PDE4A: variants seen among roughly 807,000 people sequenced by gnomAD.
PDE4A encodes 3',5'-cyclic-AMP phosphodiesterase 4A.
A neutral mutation model predicts 73.9 loss-of-function variants in PDE4A; 21 were observed. The observed-to-expected ratio is 0.28, with a 90% CI of 0.20 to 0.41. The LOEUF is 0.41. Among genes scored for constraint, PDE4A ranks in the 10% least tolerant of loss-of-function variants. PDE4A has a pLI of 1.00. For missense variants in PDE4A, 958 were observed against 1,211.4 expected (o/e 0.79, Z 3.10); for synonymous variants, 463 against 505.4 (o/e 0.92, Z 1.13).
In PDE4A at chr19:10,420,659, G is replaced by A. The variant is rs957420765; in HGVS notation, c.-106G>A. 2 of 1,364,412 alleles carry A rather than the reference G, an allele frequency of 1.5e-6. No homozygotes were observed. Among genetic ancestry groups the A allele is most frequent in the East Asian group, 3.1e-5 (1 of 32,374 alleles). The allele number at this position is 1,364,412 out of a possible 1,614,324, so 84.5% of individuals were successfully genotyped here. A position where few individuals can be genotyped will look rare whatever the true frequency, so the allele number is the denominator to read the frequency against. ...CCCGGGGCGCCATGGCCCTACCGCGGCCGGGCGCACCCGCGGGGCCCTGGG... is the reference window on the plus strand; with the variant it reads ...CCCGGGGCGCCATGGCCCTACCGCGACCGGGCGCACCCGCGGGGCCCTGGG... On this transcript the variant is annotated 5_prime_UTR_variant, in exon 1 of 15. Coordinates refer to ENST00000380702, the MANE Select transcript of PDE4A (RefSeq NM_001111307.2). This position sits in a 1 kb window ranked among gnomAD's most constrained non-coding sequence, Gnocchi z 6.0.
upstream of PDE4A, chr19:10,417,626 G>C (rs1468103104): frequency 6.4e-7 from 1 of 1,556,284 alleles, no homozygotes; most frequent in Admixed American, 1.8e-5. Flanking sequence ...TTCCCAGCCA[G>C]GCCACGCCCC....
chr19:10,461,121 G>C lies in PDE4A; in HGVS notation c.1465+18G>C. On this transcript the variant is annotated intron_variant, in intron 11 of 14. Transcript: ENST00000380702. ...CAACACCAGTGAGTGGCCCTCGCCA[G>C]GGGCGGGGTTTGCTGAGTTGGAGGC... 2 of 1,603,704 alleles carry C rather than the reference G, an allele frequency of 1.2e-6. No homozygotes were observed. Among genetic ancestry groups the C allele is most frequent in the Non-Finnish European group, 1.7e-6 (2 of 1,171,860 alleles).
chr19:10,452,521 T>C (rs560985939), intron 6 of PDE4A, among the ~76,000 whole-genome samples: 36 of 152,044 alleles, frequency 2.4e-4, no homozygotes, highest in Admixed American at 5.9e-4. Context: ...TGTGGGTCTG[T>C]GCCCTTGGAT....
intron 8 of PDE4A, chr19:10,459,058 C>T (rs1271363381): frequency 3.3e-6 from 1 of 307,522 alleles, no homozygotes; most frequent in South Asian, 3.9e-5. Flanking sequence ...TGGGGCCAGT[C>T]GTGCTGGGTT....
intron 11 of PDE4A, 117 bp downstream of exon 11, chr19:10,461,220 G>T: frequency 7.4e-7 from 1 of 1,351,254 alleles, no homozygotes. Flanking sequence ...GGGGCTGGCT[G>T]GCCTGGAAAG....
At position 10,467,748 on chromosome 19, in the gene PDE4A, T is replaced by C; in HGVS notation, c.*127T>C. ...TCCTGAGAAAAAAGAAAACGAAAAG[T>C]GGGGTTTTTTTCTGTTTTCTTTTTT... On this transcript the variant is annotated 3_prime_UTR_variant, in exon 15 of 15. Coordinates refer to ENST00000380702, the MANE Select transcript of PDE4A (RefSeq NM_001111307.2). 1.4e-6 allele frequency: 1 copy of C among 693,200 alleles called. No individual in the cohort carries two copies. The highest frequency in any genetic ancestry group is 2.2e-6 in the Non-Finnish European group (1 of 459,794). 42.9% of individuals were successfully genotyped at this position (693,200 alleles called of 1,614,324 possible). A position where few individuals can be genotyped will look rare whatever the true frequency, so the allele number is the denominator to read the frequency against.
intron 6 of PDE4A, among the ~76,000 whole-genome samples, chr19:10,452,726 T>G (rs1246978263): frequency 1.3e-5 from 2 of 152,008 alleles, no homozygotes; most frequent in African/African-American, 4.8e-5. Context: ...AAGGTGTGTC[T>G]CAGGGTGTTT....
Position 10,420,682 on chromosome 19 carries a change from GGGCTCGCT to G in PDE4A, c.-78_-71del. 1 of 1,383,130 alleles carries G rather than the reference GGGCTCGCT, an allele frequency of 7.2e-7. No homozygotes were observed. Among genetic ancestry groups the G allele is most frequent in the Non-Finnish European group, 9.3e-7 (1 of 1,078,382 alleles). 85.7% of individuals were successfully genotyped at this position (1,383,130 alleles called of 1,614,324 possible). ...CGGCCGGGCGCACCCGCGGGGCCCT[GGGCTCGCT>G]GGCTTGCGCGCAGCTGAGCGGGGTG... On this transcript the variant is annotated 5_prime_UTR_variant, in exon 1 of 15. It removes the in-frame stop codon of an upstream open reading frame in the 5' UTR. Coordinates refer to ENST00000380702, the MANE Select transcript of PDE4A (RefSeq NM_001111307.2). This position sits in a 1 kb window ranked among gnomAD's most constrained non-coding sequence, Gnocchi z 6.0.
At chr19:10,428,062 G>T (rs2042740375) in intron 1 of PDE4A, among the ~76,000 whole-genome samples, 1 of 151,352 alleles carries the variant, frequency 6.6e-6, no homozygotes, top group Non-Finnish European at 1.5e-5. Flanking sequence ...GATTAAATGA[G>T]ATCATAAGAC....
chr19:10,421,194 T>TGGCGGGGGCGGAGGGAATTCGGC lies in PDE4A; in HGVS notation c.320+111_320+133dup. On this transcript the variant is annotated intron_variant, in intron 1 of 14. Transcript: ENST00000380702. ...AGGATGCGGGTGGGGTCGGTTTGGC[T>TGGCGGGGGCGGAGGGAATTCGGC]GGCGGGGGCGGAGGGAATTCGGCTG... is the stretch of plus-strand genomic sequence containing the variant. The TGGCGGGGGCGGAGGGAATTCGGC allele has an allele frequency of 6.8e-6, 9 of 1,332,658 alleles. No homozygotes were observed. The South Asian group carries it at 1.6e-4, about 23-fold the overall frequency. 82.6% of individuals were successfully genotyped at this position (1,332,658 alleles called of 1,614,324 possible). A position where few individuals can be genotyped will look rare whatever the true frequency, so the allele number is the denominator to read the frequency against.
intron 1 of PDE4A, chr19:10,431,024 C>T: frequency 6.3e-7 from 1 of 1,578,610 alleles, no homozygotes; most frequent in Non-Finnish European, 8.6e-7. Flanking sequence ...CAACTTTCCG[C>T]AGACGCCTTC....
At chr19:10,425,233 A>AAC (rs1555727999) in intron 1 of PDE4A, among the ~76,000 whole-genome samples, 2 of 151,244 alleles carry the variant, frequency 1.3e-5, no homozygotes, top group East Asian at 1.9e-4. Context: ...AAAAAAAAAA[A>AAC]CAAAAAACAA....
intron 1 of PDE4A, among the ~76,000 whole-genome samples, chr19:10,428,357 C>CGAGAGAGAGAGAGAGAGA (rs56177515): frequency 1.5e-5 from 2 of 137,298 alleles, no homozygotes; most frequent in Non-Finnish European, 3.1e-5. Flanking sequence ...GATCCTGTCT[C>CGAGAGAGAGAGAGAGAGA]GAGAGAGAGA....
intron 1 of PDE4A, among the ~76,000 whole-genome samples, chr19:10,426,214 C>T (rs2042716234): frequency 1.3e-5 from 2 of 151,964 alleles, no homozygotes; most frequent in Non-Finnish European, 2.9e-5. Context: ...GTCCTGGACT[C>T]GCTGTGTGAC....
At position 10,467,680 on chromosome 19, in the gene PDE4A, A is replaced by G. The variant is rs200483505; in HGVS notation, c.*59A>G. The stretch of plus-strand genomic sequence containing the variant: ...CTCCCCTCACTCCCCTGCTCCCCCG[A>G]CCACCTCCTCCTCTGCCTCAAAGAC... On this transcript the variant is annotated 3_prime_UTR_variant, in exon 15 of 15. Transcript: ENST00000380702. The G allele has an allele frequency of 5.4e-6, 7 of 1,298,082 alleles. No individual in the cohort carries two copies. Among genetic ancestry groups the G allele is most frequent in the Non-Finnish European group, 7.4e-6 (7 of 944,926 alleles). The allele number at this position is 1,298,082 out of a possible 1,614,324, so 80.4% of individuals were successfully genotyped here.
intron 1 of PDE4A, among the ~76,000 whole-genome samples, chr19:10,440,774 T>C (rs1199645656): frequency 1.3e-5 from 2 of 152,034 alleles, no homozygotes; most frequent in East Asian, 3.9e-4. Flanking sequence ...AATTTTTGTA[T>C]GTTTAGTAGA....
At chr19:10,428,112 G>A (rs955214419) in intron 1 of PDE4A, among the ~76,000 whole-genome samples, 2 of 152,126 alleles carry the variant, frequency 1.3e-5, no homozygotes, top group Admixed American at 6.6e-5. Flanking sequence ...AGCACTTTGG[G>A]AGGCCAAGGC....
At chr19:10,444,376 T>C (rs2042976307) in intron 1 of PDE4A, among the ~76,000 whole-genome samples, 1 of 151,634 alleles carries the variant, frequency 6.6e-6, no homozygotes, top group Admixed American at 6.6e-5. Flanking sequence ...TGCATGCCTG[T>C]AATCCCAGCT....
chr19:10,445,672 G>A (rs896049316), intron 1 of PDE4A, among the ~76,000 whole-genome samples: 3 of 151,126 alleles, frequency 2.0e-5, no homozygotes, highest in African/African-American at 7.3e-5. Flanking sequence ...GGAGGCTGAG[G>A]CAGAAAAATC....
Sources: gnomAD v4.1 joint callset for allele counts (sites outside exome capture counted in the v4.1 genomes callset) on GRCh38, gnomAD v4.1.1 for gene constraint, Gnocchi (gnomAD v3.1) non-coding constraint, MANE v1.5 for transcripts, NCBI Gene and HGNC (gene_info 2026-07-23, HGNC 2026-07-21) for gene names.